The following KITLG variants were observed in gnomAD, a reference collection of about 807,000 sequenced individuals.
The protein encoded by KITLG is KIT ligand, also known as c-Kit ligand.
KITLG carries 13 observed loss-of-function variants against 34.1 expected under a neutral mutation model. The ratio of observed to expected loss-of-function variants is 0.38; its 90% CI spans 0.25 to 0.61. KITLG has a LOEUF of 0.61. Ranked by LOEUF, KITLG falls within the 20% of genes least tolerant of loss-of-function variation. The pLI is 0.60. For missense variants in KITLG, 292 were observed against 318.9 expected (o/e 0.92, Z 0.64); for synonymous variants, 110 against 104.0 (o/e 1.06, Z -0.35).
At chr12:88,548,822 C>T (rs899510798) in intron 1 of KITLG, among the ~76,000 whole-genome samples, 2 of 152,188 alleles carry the variant, frequency 1.3e-5, no homozygotes, top group African/African-American at 4.8e-5. Flanking sequence ...CTAAAAGTTT[C>T]TTGAGTCCTT....
chr12:88,517,243 A>G (rs1473254660), intron 4 of KITLG, among the ~76,000 whole-genome samples: 1 of 151,986 alleles, frequency 6.6e-6, no homozygotes, highest in Non-Finnish European at 1.5e-5. Flanking sequence ...TGAAAGAGGC[A>G]AGTCCCAAAA....
At position 88,493,372 on chromosome 12, in the gene KITLG, A is replaced by T. The variant is rs1868480489; in HGVS notation, c.*3847T>A. On this transcript the variant is annotated 3_prime_UTR_variant, in exon 10 of 10. Transcript: ENST00000644744. ...CATTTTAGCATGGATTATTTCTTGA[A>T]AAAAACACCTTGTTATAAAATGAAA... 6.6e-6 allele frequency: 1 copy of T among 152,362 alleles called. No homozygotes were observed. Among genetic ancestry groups the T allele is most frequent in the Non-Finnish European group, 1.5e-5 (1 of 67,850 alleles). The allele number at this position is 152,362 out of a possible 1,614,324, so 9.4% of individuals were successfully genotyped here. A position where few individuals can be genotyped will look rare whatever the true frequency, so the allele number is the denominator to read the frequency against.
chr12:88,509,752 C>T (rs529007464), intron 6 of KITLG, among the ~76,000 whole-genome samples: 15 of 152,116 alleles, frequency 9.9e-5, no homozygotes, highest in Non-Finnish European at 1.8e-4. Flanking sequence ...AAGAACCAGG[C>T]CTTTGGTCCA....
intron 3 of KITLG, among the ~76,000 whole-genome samples, chr12:88,526,917 G>GGAGT (rs893161866): frequency 4.1e-5 from 6 of 145,658 alleles, no homozygotes; most frequent in Non-Finnish European, 3.0e-5. Flanking sequence ...CACCCAGCCT[G>GGAGT]GAGTGCAGTG....
Position 88,532,601 on chromosome 12 carries a change from T to G in KITLG, c.130-98A>C. On this transcript the variant is annotated intron_variant, in intron 2 of 9. Coordinates refer to ENST00000644744, the MANE Select transcript of KITLG (RefSeq NM_000899.5). ...AGAAAAGCACACAAAACTGTTGTGC[T>G]TTTTAAAGTTACCAATGAATTTCAA... is the stretch of plus-strand genomic sequence containing the variant. The G allele has an allele frequency of 1.0e-5, 8 of 795,262 alleles. 1 individual carries two copies. The South Asian group carries it at 1.2e-4, about 12-fold the overall frequency. 49.3% of individuals were successfully genotyped at this position (795,262 alleles called of 1,614,324 possible).
chr12:88,507,848 C>T (rs1049932060), intron 6 of KITLG, among the ~76,000 whole-genome samples: 1 of 152,074 alleles, frequency 6.6e-6, no homozygotes, highest in Non-Finnish European at 1.5e-5. Flanking sequence ...TGGTTTGGGA[C>T]ACCTTTCTTG....
chr12:88,551,694 T>C (rs1046602972), intron 1 of KITLG, among the ~76,000 whole-genome samples: 2 of 152,116 alleles, frequency 1.3e-5, no homozygotes, highest in Admixed American at 1.3e-4. Context: ...TCCTGCACTC[T>C]TGATGATGAA....
At chr12:88,568,170 G>A (rs1011439486) in intron 1 of KITLG, among the ~76,000 whole-genome samples, 2 of 152,110 alleles carry the variant, frequency 1.3e-5, no homozygotes, top group African/African-American at 4.8e-5. Flanking sequence ...ACACAGAGCA[G>A]ACAGTCTAAT....
intron 2 of KITLG, among the ~76,000 whole-genome samples, chr12:88,542,629 TACACACACACACATGCACAC>T (rs1049895051): frequency 9.2e-5 from 14 of 151,586 alleles, no homozygotes; most frequent in African/African-American, 3.4e-4. Flanking sequence ...AACATTAAAA[TACACACACACACATGCACAC>T]ACACACACAC....
At chr12:88,547,468 G>A (rs1870757508) in intron 1 of KITLG, among the ~76,000 whole-genome samples, 2 of 152,180 alleles carry the variant, frequency 1.3e-5, no homozygotes, top group Non-Finnish European at 1.5e-5. Flanking sequence ...TTGGACCACA[G>A]TGAAGACTAA....
Position 88,568,414 on chromosome 12 carries a change from T to A in KITLG, c.15+11850A>T, listed in dbSNP as rs142477159. Among the ~76,000 whole-genome samples, 786 of 152,210 alleles carry A rather than the reference T, an allele frequency of 5.2e-3. 3 individuals carry two copies. Among genetic ancestry groups the A allele is most frequent in the Non-Finnish European group, 8.4e-3 (571 of 68,000 alleles). ...GGCTCAAGCAATCCTCCTGCCTCTGTCTTCCAAAGTGTTTGGATTGCAGAC... is the reference window on the plus strand; with the variant it reads ...GGCTCAAGCAATCCTCCTGCCTCTGACTTCCAAAGTGTTTGGATTGCAGAC... On this transcript the variant is annotated intron_variant, in intron 1 of 9. Transcript: ENST00000644744.
At chr12:88,498,354 C>T (rs1868720092) in intron 9 of KITLG, among the ~76,000 whole-genome samples, 1 of 151,986 alleles carries the variant, frequency 6.6e-6, no homozygotes, top group Admixed American at 6.6e-5. Flanking sequence ...CTGTCTTATA[C>T]AACAATTTAC....
chr12:88,571,595 A>G (rs1871653351), intron 1 of KITLG, among the ~76,000 whole-genome samples: 1 of 152,194 alleles, frequency 6.6e-6, no homozygotes. Context: ...CCATTAGAAA[A>G]AAGGCTTATA....
At chr12:88,550,990 A>C (rs548368560) in intron 1 of KITLG, among the ~76,000 whole-genome samples, 2 of 152,194 alleles carry the variant, frequency 1.3e-5, no homozygotes, top group African/African-American at 2.4e-5. Context: ...TTAAATTCAA[A>C]TATCTTACAA....
intron 2 of KITLG, among the ~76,000 whole-genome samples, chr12:88,535,637 AGTCAAG>A (rs1870286499): frequency 6.6e-6 from 1 of 152,202 alleles, no homozygotes; most frequent in Non-Finnish European, 1.5e-5. Context: ...GAACTTAGAA[AGTCAAG>A]TTGTAGATAT....
At chr12:88,510,390 T>A (rs1010212287) in intron 6 of KITLG, among the ~76,000 whole-genome samples, 1 of 152,162 alleles carries the variant, frequency 6.6e-6, no homozygotes, top group East Asian at 1.9e-4. Context: ...ATCAGTTATG[T>A]CTCCAAGCAC....
chr12:88,532,598 T>C, intron 2 of KITLG, 95 bp from the exon 3 acceptor site: 2 of 845,552 alleles, frequency 2.4e-6, no homozygotes, highest in Non-Finnish European at 1.9e-6. Context: ...AAAACTGTTG[T>C]GCTTTTTAAA....
intron 9 of KITLG, among the ~76,000 whole-genome samples, chr12:88,503,199 T>C (rs749154227): frequency 3.9e-5 from 6 of 152,154 alleles, no homozygotes; most frequent in Non-Finnish European, 7.3e-5. Context: ...GTTAGAGAAA[T>C]GTGCAACATA....
At chr12:88,538,090 T>C (rs745901991) in intron 2 of KITLG, among the ~76,000 whole-genome samples, 5 of 152,082 alleles carry the variant, frequency 3.3e-5, no homozygotes, top group Non-Finnish European at 5.9e-5. Flanking sequence ...ACTAAGTGCT[T>C]AGTTAGGCAT....
Sources: allele counts gnomAD v4.1 joint callset (sites outside exome capture counted in the v4.1 genomes callset), GRCh38; gene constraint gnomAD v4.1.1; transcripts MANE v1.5; gene names NCBI Gene and HGNC (gene_info 2026-07-23, HGNC 2026-07-21).